KCNQ5: variants seen among roughly 807,000 people sequenced by gnomAD.
The protein encoded by KCNQ5 is potassium voltage-gated channel subfamily Q member 5, also known as potassium voltage-gated channel subfamily KQT member 5.
A neutral mutation model predicts 98.2 loss-of-function variants in KCNQ5; 30 were observed. That is an observed-to-expected ratio of 0.31 (90% CI 0.23 to 0.41). KCNQ5 has a LOEUF of 0.41. KCNQ5 is among the 10% of genes least tolerant of loss of function. KCNQ5 has a pLI of 1.00. For synonymous variants in KCNQ5, 458 were observed against 449.4 expected (o/e 1.02, Z -0.24); for missense variants, 835 against 1,182.5 (o/e 0.71, Z 4.31).
At chr6:72,996,970 G>A (rs907362810) in intron 1 of KCNQ5, among the ~76,000 whole-genome samples, 5 of 152,192 alleles carry the variant, frequency 3.3e-5, no homozygotes, top group Non-Finnish European at 7.4e-5. Context: ...GGAGGAAGGA[G>A]CACACGTCTT....
chr6:73,134,957 A>G (rs987932347), intron 10 of KCNQ5: 2 of 152,260 alleles, frequency 1.3e-5, no homozygotes, highest in African/African-American at 4.8e-5. Flanking sequence ...AGCTGAGTCA[A>G]GAGTTACCAG....
chr6:73,187,721 T>C (rs996945198), intron 11 of KCNQ5, among the ~76,000 whole-genome samples: 2 of 152,236 alleles, frequency 1.3e-5, no homozygotes, highest in African/African-American at 4.8e-5. Flanking sequence ...TAATTTTAAC[T>C]TTAGCTAGCT....
At chr6:72,974,411 T>A (rs1768055874) in intron 1 of KCNQ5, among the ~76,000 whole-genome samples, 1 of 149,398 alleles carries the variant, frequency 6.7e-6, no homozygotes, top group Non-Finnish European at 1.5e-5. Flanking sequence ...GCCTAGACTC[T>A]CTTATGGCAA....
At chr6:73,043,472 C>A (rs1446305603) in intron 3 of KCNQ5, among the ~76,000 whole-genome samples, 1 of 152,144 alleles carries the variant, frequency 6.6e-6, no homozygotes, top group African/African-American at 2.4e-5. Flanking sequence ...TCATAAAGCC[C>A]CAAGGCATAT....
At chr6:72,783,605 A>T (rs1561980729) in intron 1 of KCNQ5, among the ~76,000 whole-genome samples, 1 of 152,128 alleles carries the variant, frequency 6.6e-6, no homozygotes, top group African/African-American at 2.4e-5. Context: ...TATCCTAGGT[A>T]TTTTTTTATC....
intron 1 of KCNQ5, among the ~76,000 whole-genome samples, chr6:72,922,761 A>G (rs564385746): frequency 1.1e-3 from 171 of 149,534 alleles, no homozygotes; most frequent in Non-Finnish European, 2.2e-3. Context: ...AGGCTTAATA[A>G]TATTTCATTG....
intron 1 of KCNQ5, among the ~76,000 whole-genome samples, chr6:72,905,801 CA>C (rs1381689700): frequency 2.0e-5 from 3 of 152,084 alleles, no homozygotes; most frequent in African/African-American, 7.3e-5. Context: ...GTAGAGGTGT[CA>C]GGGGGGTGAA....
At chr6:72,937,087 T>C (rs1241002986) in intron 1 of KCNQ5, among the ~76,000 whole-genome samples, 2 of 152,236 alleles carry the variant, frequency 1.3e-5, no homozygotes, top group African/African-American at 4.8e-5. Context: ...AAATTACACA[T>C]ATGAGCTGAG....
At chr6:72,881,007 G>A (rs1244942263) in intron 1 of KCNQ5, among the ~76,000 whole-genome samples, 2 of 152,156 alleles carry the variant, frequency 1.3e-5, no homozygotes, top group Admixed American at 6.5e-5. Context: ...ACAAGATTCT[G>A]TATACAACTG....
At chr6:72,872,660 C>A (rs1301064705) in intron 1 of KCNQ5, among the ~76,000 whole-genome samples, 1 of 152,000 alleles carries the variant, frequency 6.6e-6, no homozygotes, top group Non-Finnish European at 1.5e-5. Context: ...GGATTTGAAC[C>A]CAGACCATCC....
chr6:72,982,487 C>CTTTTTTTTTTTTTTTTTTTTTTTTTTT (rs141947372), intron 1 of KCNQ5, among the ~76,000 whole-genome samples: 2 of 60,260 alleles, frequency 3.3e-5, no homozygotes, highest in African/African-American at 7.3e-5. Flanking sequence ...GCAACCCCTG[C>CTTTTTTTTTTTTTTTTTTTTTTTTTTT]TTTTTTTTTT....
chr6:72,956,084 T>G (rs1218124659), intron 1 of KCNQ5, among the ~76,000 whole-genome samples: 2 of 152,230 alleles, frequency 1.3e-5, no homozygotes, highest in African/African-American at 2.4e-5. Flanking sequence ...GGAATGAAAC[T>G]AATAAATTCT....
At chr6:73,158,255 T>TTTTTTTGTTG (rs1562211940) in intron 10 of KCNQ5, 2 of 11,090 alleles carry the variant, frequency 1.8e-4, no homozygotes, top group Non-Finnish European at 2.7e-4. Context: ...TTTTGGAAGA[T>TTTTTTTGTTG]TTTTTTTTTT....
At chr6:73,143,683 G>A (rs970213922) in intron 10 of KCNQ5, among the ~76,000 whole-genome samples, 5 of 152,160 alleles carry the variant, frequency 3.3e-5, no homozygotes, top group Admixed American at 6.5e-5. Context: ...CTCAGAGCTA[G>A]CATGTTTCTG....
chr6:73,067,395 A>G (rs922470678), intron 3 of KCNQ5, among the ~76,000 whole-genome samples: 2 of 152,126 alleles, frequency 1.3e-5, no homozygotes, highest in Non-Finnish European at 2.9e-5. Context: ...TTAACATGAT[A>G]CCAGGCACAC....
At chr6:72,627,763 A>C (rs1018697616) in intron 1 of KCNQ5, among the ~76,000 whole-genome samples, 1 of 152,170 alleles carries the variant, frequency 6.6e-6, no homozygotes, top group Non-Finnish European at 1.5e-5. Context: ...CCCTTACTGC[A>C]CTGCTCCACC....
chr6:72,982,286 T>A (rs1768500558), intron 1 of KCNQ5, among the ~76,000 whole-genome samples: 1 of 152,142 alleles, frequency 6.6e-6, no homozygotes, highest in South Asian at 2.1e-4. Context: ...TGTGTGGGAG[T>A]CTAAGTCTCT....
chr6:72,961,621 CAAAAAAAAA>C (rs56813781), intron 1 of KCNQ5, among the ~76,000 whole-genome samples: 3 of 68,680 alleles, frequency 4.4e-5, no homozygotes, highest in Admixed American at 1.8e-4. Context: ...GACTCCGTCT[CAAAAAAAAA>C]AAAAAAAAAA....
At chr6:72,998,132 G>T (rs1200170093) in intron 1 of KCNQ5, among the ~76,000 whole-genome samples, 1 of 152,168 alleles carries the variant, frequency 6.6e-6, no homozygotes, top group African/African-American at 2.4e-5. Flanking sequence ...TCCCTCTGCT[G>T]ATGAAGTTTT....
Sources: gnomAD v4.1 joint callset for allele counts (sites outside exome capture counted in the v4.1 genomes callset) on GRCh38, gnomAD v4.1.1 for gene constraint, MANE v1.5 for transcripts, NCBI Gene and HGNC (gene_info 2026-07-23, HGNC 2026-07-21) for gene names.